SORCS2: variants seen among roughly 807,000 people sequenced by gnomAD.
The protein encoded by SORCS2 is VPS10 domain-containing receptor SorCS2.
In SORCS2, 100 loss-of-function variants were observed where a neutral mutation model predicts 141.6. The ratio of observed to expected loss-of-function variants is 0.71; its 90% CI spans 0.60 to 0.83. The LOEUF (loss-of-function observed/expected upper bound fraction) is 0.83, where lower values mean the gene tolerates loss of function less well. Ranked by LOEUF, SORCS2 falls within the 40% of genes least tolerant of loss-of-function variation. SORCS2 has a pLI of 0.00. For missense variants in SORCS2, 1,646 were observed against 1,560.2 expected, an observed-to-expected ratio of 1.05 and a Z score of -0.93; for synonymous variants, 789 against 676.9, an observed-to-expected ratio of 1.17 and a Z score of -2.57.
intron 18 of SORCS2, among the ~76,000 whole-genome samples, chr4:7,720,070 CAT>C (rs956201753): frequency 9.2e-5 from 14 of 152,146 alleles, no homozygotes; most frequent in African/African-American, 3.4e-4. Context: ...CAGACACACA[CAT>C]GCTTACACGC....
chr4:7,391,479 G>C (rs1025381055), intron 1 of SORCS2, among the ~76,000 whole-genome samples: 10 of 152,194 alleles, frequency 6.6e-5, no homozygotes, highest in African/African-American at 2.2e-4. Context: ...GCTTGGCACT[G>C]AGTTGTGTGG....
At chr4:7,530,416 T>C (rs1003327362) in intron 2 of SORCS2, among the ~76,000 whole-genome samples, 1 of 152,158 alleles carries the variant, frequency 6.6e-6, no homozygotes. Flanking sequence ...GAGCTCAGCA[T>C]AGCTCAGCAG....
chr4:7,288,987 G>A (rs145163871), intron 1 of SORCS2, among the ~76,000 whole-genome samples: 2 of 151,886 alleles, frequency 1.3e-5, no homozygotes, highest in African/African-American at 4.8e-5. Context: ...CAGTGTTTGT[G>A]TCATGCTGCC....
At chr4:7,681,419 G>A (rs76006414) in intron 9 of SORCS2, among the ~76,000 whole-genome samples, 9,174 of 152,248 alleles carry the variant, frequency 0.06, 409 homozygotes, top group African/African-American at 0.11. Context: ...GAGATGCAGC[G>A]TTGCTAGCTT....
chr4:7,670,278 T>C (rs1252636276), intron 8 of SORCS2, among the ~76,000 whole-genome samples: 2 of 152,272 alleles, frequency 1.3e-5, no homozygotes, highest in African/African-American at 4.8e-5. Flanking sequence ...GCCGTTTTTA[T>C]ATTTGTCAAT....
chr4:7,339,195 C>T (rs1161182615), intron 1 of SORCS2, among the ~76,000 whole-genome samples: 5 of 152,296 alleles, frequency 3.3e-5, no homozygotes, highest in South Asian at 4.1e-4. Flanking sequence ...TTTTTCTCAC[C>T]CCTCCGTGTG....
chr4:7,724,895 ATGG>A (rs753498440), intron 19 of SORCS2, among the ~76,000 whole-genome samples: 2 of 41,386 alleles, frequency 4.8e-5, no homozygotes, highest in African/African-American at 1.5e-4. Flanking sequence ...GGTGTTGGTG[ATGG>A]TGGTGATAGT....
At chr4:7,265,998 C>T (rs137877425) in intron 1 of SORCS2, among the ~76,000 whole-genome samples, 5 of 152,304 alleles carry the variant, frequency 3.3e-5, no homozygotes, top group African/African-American at 4.8e-5. Context: ...ACTCTTCCTC[C>T]GTGTCATCCT....
At chr4:7,416,753 C>T (rs536939772) in intron 2 of SORCS2, among the ~76,000 whole-genome samples, 94 of 151,572 alleles carry the variant, frequency 6.2e-4, no homozygotes, top group Middle Eastern at 3.2e-3. Context: ...CACACTTGTG[C>T]GCACACAGAC....
chr4:7,259,320 C>A (rs1338813906), intron 1 of SORCS2, among the ~76,000 whole-genome samples: 1 of 152,178 alleles, frequency 6.6e-6, no homozygotes, highest in Non-Finnish European at 1.5e-5. Context: ...GAGTTCAATT[C>A]CATGACTGGG....
chr4:7,420,325 A>G (rs542026972), intron 2 of SORCS2, among the ~76,000 whole-genome samples: 24 of 152,168 alleles, frequency 1.6e-4, no homozygotes, highest in Non-Finnish European at 2.9e-4. Flanking sequence ...CATCTGTAAA[A>G]TGGGCACAGT....
intron 1 of SORCS2, among the ~76,000 whole-genome samples, chr4:7,208,082 G>C (rs753759309): frequency 6.6e-6 from 1 of 151,970 alleles, no homozygotes; most frequent in African/African-American, 2.4e-5. Flanking sequence ...GCCTATGAAG[G>C]CAAAGAAGAT....
intron 3 of SORCS2, among the ~76,000 whole-genome samples, chr4:7,587,489 C>T (rs1287662409): frequency 2.0e-5 from 3 of 152,222 alleles, no homozygotes; most frequent in Non-Finnish European, 2.9e-5. Flanking sequence ...AGGAGACTGT[C>T]ATCAGGGTTG....
At chr4:7,739,526 C>T (rs540206286) in intron 26 of SORCS2, among the ~76,000 whole-genome samples, 14 of 152,344 alleles carry the variant, frequency 9.2e-5, no homozygotes, top group Admixed American at 3.9e-4. Flanking sequence ...CGCACTTCCC[C>T]GTCTGACCCA....
chr4:7,656,103 A>G (rs1200344591), intron 5 of SORCS2, among the ~76,000 whole-genome samples: 1 of 152,224 alleles, frequency 6.6e-6, no homozygotes, highest in Non-Finnish European at 1.5e-5. Flanking sequence ...CTGTTTTGAC[A>G]GCATTTCCAA....
intron 2 of SORCS2, among the ~76,000 whole-genome samples, chr4:7,402,356 A>G (rs964578080): frequency 6.6e-6 from 1 of 152,174 alleles, no homozygotes; most frequent in Non-Finnish European, 1.5e-5. Context: ...TATACACATC[A>G]TAATGTATCT....
intron 1 of SORCS2, among the ~76,000 whole-genome samples, chr4:7,296,840 C>A (rs1036309560): frequency 1.3e-5 from 2 of 152,154 alleles, no homozygotes; most frequent in Non-Finnish European, 2.9e-5. Context: ...CTCTATCGCT[C>A]GGTAGTCCTT....
chr4:7,720,785 A>T (rs994592181), intron 18 of SORCS2, among the ~76,000 whole-genome samples: 1 of 152,228 alleles, frequency 6.6e-6, no homozygotes, highest in Non-Finnish European at 1.5e-5. Flanking sequence ...ACAGCCAGAC[A>T]TCACTGCGCA....
chr4:7,425,539 C>G (rs1156663727), intron 2 of SORCS2, among the ~76,000 whole-genome samples: 1 of 152,208 alleles, frequency 6.6e-6, no homozygotes, highest in Admixed American at 6.5e-5. Context: ...GGATTAGAAG[C>G]CCGACACCTG....
Sources: allele counts gnomAD v4.1 joint callset (sites outside exome capture counted in the v4.1 genomes callset), GRCh38; gene constraint gnomAD v4.1.1; transcripts MANE v1.5; gene names NCBI Gene and HGNC (gene_info 2026-07-23, HGNC 2026-07-21).